The following TAOK3 variants were observed in gnomAD, a reference collection of about 807,000 sequenced individuals.
TAOK3 encodes the protein serine/threonine-protein kinase TAO3.
Under a neutral mutation model 120.4 loss-of-function variants are expected in TAOK3, and 40 were observed. That is an observed-to-expected ratio of 0.33 (90% CI 0.26 to 0.43). The LOEUF is 0.43. TAOK3 is among the 20% of genes least tolerant of loss of function. The pLI is 1.00. For synonymous variants in TAOK3, 355 were observed against 387.5 expected (o/e 0.92, Z 0.99); for missense variants, 821 against 1,112.1 (o/e 0.74, Z 3.72).
rs546049418 is a variant in TAOK3 at position 118,299,350 on chromosome 12, A to G, written c.-193-32591T>C. On this transcript the variant is annotated intron_variant, in intron 1 of 20. Coordinates refer to ENST00000392533, the MANE Select transcript of TAOK3 (RefSeq NM_016281.4). ...CCTTTTGCCATTTATAGCTATCTTGAGTTCAAATATAGTACTTTAAAAAAA... is the reference window on the plus strand; with the variant it reads ...CCTTTTGCCATTTATAGCTATCTTGGGTTCAAATATAGTACTTTAAAAAAA... Among the ~76,000 whole-genome samples, 13 of 152,248 alleles carry G rather than the reference A, an allele frequency of 8.5e-5. No homozygotes were observed. The South Asian group carries it at 2.5e-3, about 29-fold the overall frequency.
chr12:118,366,440 C>T (rs540405207), intron 1 of TAOK3, among the ~76,000 whole-genome samples: 6 of 152,116 alleles, frequency 3.9e-5, no homozygotes, highest in Non-Finnish European at 8.8e-5. Context: ...TTGTCATAGC[C>T]TTGATTGCCA....
intron 13 of TAOK3, among the ~76,000 whole-genome samples, chr12:118,190,886 G>A (rs1169802482): frequency 6.6e-6 from 1 of 152,210 alleles, no homozygotes; most frequent in Non-Finnish European, 1.5e-5. Context: ...CAGTCATTAA[G>A]TGGCTATAAC....
At chr12:118,255,715 A>G (rs1476443850) in intron 2 of TAOK3, 60 bp from the exon 3 acceptor site, 2 of 720,488 alleles carry the variant, frequency 2.8e-6, no homozygotes, top group Non-Finnish European at 2.2e-6. Flanking sequence ...TGGTGGCAAT[A>G]CAAATACATA....
chr12:118,310,159 C>A (rs2043210493), intron 1 of TAOK3, among the ~76,000 whole-genome samples: 1 of 152,084 alleles, frequency 6.6e-6, no homozygotes, highest in African/African-American at 2.4e-5. Flanking sequence ...TGGCGTGCAC[C>A]TGTGGTCCCT....
intron 16 of TAOK3, 66 bp downstream of exon 16, chr12:118,177,135 T>C (rs1758033489): frequency 6.7e-7 from 1 of 1,498,516 alleles, no homozygotes; most frequent in Admixed American, 1.8e-5. Flanking sequence ...CAATGCAAGA[T>C]GAGTGAATGT....
chr12:118,168,961 C>T lies in TAOK3; in HGVS notation c.1899+3496G>A, dbSNP rs963868911. On this transcript the variant is annotated intron_variant, in intron 17 of 20. Transcript: ENST00000392533. ...GTACTGAATCAGCTTGCTTGCTTTC[C>T]TTCCTTCCTTCCTTCCTTCCTTCCT... 4.6e-4 allele frequency among the ~76,000 whole-genome samples: 5 copies of T among 10,890 alleles called. No individual in the cohort carries two copies. In the East Asian group the frequency reaches 0.062, roughly 136 times the overall value. 7.1% of individuals were successfully genotyped at this position (10,890 alleles called of 152,430 possible).
intron 1 of TAOK3, among the ~76,000 whole-genome samples, chr12:118,324,734 CTTTTTTTTTTT>C (rs35462737): frequency 2.7e-4 from 19 of 69,584 alleles, no homozygotes; most frequent in South Asian, 5.1e-4. Context: ...GAATTTCATT[CTTTTTTTTTTT>C]TTTTTTTTTT....
chr12:118,199,230 T>C lies in TAOK3; in HGVS notation c.1015A>G (p.Arg339Gly). The change falls in exon 13 of 21, where the codon AGG becomes GGG. Residue 339 changes from arginine to glycine, a missense_variant. Physicochemically the swap from Arg to Gly is moderately radical, Grantham distance 125. This residue lies in a region of TAOK3 where 467 missense variants were observed against 540.0 expected (regional missense o/e 0.86). Transcript: ENST00000392533. ...TTGCTGCCCAGGCTGTCCATTTCCC[T>C]GTTCAGGCTGGTTCCATGTTCACTG... ...EDSEHGTSLNREMDSLGSNHS... is the reference protein window; with the variant it reads ...EDSEHGTSLNGEMDSLGSNHS... 1 of 1,614,108 alleles carries C rather than the reference T, an allele frequency of 6.2e-7. No homozygotes were observed. Among genetic ancestry groups the C allele is most frequent in the South Asian group, 1.1e-5 (1 of 91,076 alleles).
intron 1 of TAOK3, among the ~76,000 whole-genome samples, chr12:118,327,708 T>C (rs2043989147): frequency 6.6e-6 from 1 of 152,202 alleles, no homozygotes; most frequent in Non-Finnish European, 1.5e-5. Context: ...ATTATTGGCA[T>C]GTAGAATTTC....
intron 1 of TAOK3, among the ~76,000 whole-genome samples, chr12:118,346,246 T>C (rs1287893829): frequency 1.3e-5 from 2 of 152,170 alleles, no homozygotes; most frequent in African/African-American, 2.4e-5. Flanking sequence ...TTAAGGGTAA[T>C]GAAGGAGGCT....
intron 1 of TAOK3, among the ~76,000 whole-genome samples, chr12:118,332,585 T>C (rs920640102): frequency 6.6e-6 from 1 of 152,206 alleles, no homozygotes; most frequent in African/African-American, 2.4e-5. Context: ...GATTAAATCT[T>C]TATTTTGCTG....
chr12:118,240,833 A>T (rs934865641), intron 5 of TAOK3, among the ~76,000 whole-genome samples: 1 of 152,052 alleles, frequency 6.6e-6, no homozygotes, highest in African/African-American at 2.4e-5. Flanking sequence ...GACATAACCA[A>T]TATCAACATA....
intron 1 of TAOK3, among the ~76,000 whole-genome samples, chr12:118,300,691 G>A (rs2042848430): frequency 6.6e-6 from 1 of 151,980 alleles, no homozygotes; most frequent in East Asian, 1.9e-4. Context: ...ACAGTTGTAT[G>A]TGTCTATCAC....
chr12:118,163,448 T>TTTG (rs1555209281), intron 17 of TAOK3, among the ~76,000 whole-genome samples: 40,341 of 122,434 alleles, frequency 0.33, 6,360 homozygotes, highest in Non-Finnish European at 0.39. Flanking sequence ...ACTTTTTTTT[T>TTTG]GGGGGGGGTG....
chr12:118,232,263 C>T (rs935748155), intron 9 of TAOK3, among the ~76,000 whole-genome samples: 2 of 152,132 alleles, frequency 1.3e-5, no homozygotes, highest in African/African-American at 4.8e-5. Flanking sequence ...AAATATACAA[C>T]CAAAGGAGAG....
At chr12:118,246,034 C>A (rs1316784495) in intron 3 of TAOK3, 3 of 734,012 alleles carry the variant, frequency 4.1e-6, no homozygotes, top group Non-Finnish European at 4.3e-6. Flanking sequence ...TGTGAGTATA[C>A]GTGTAGAAAA....
intron 17 of TAOK3, among the ~76,000 whole-genome samples, 184 bp from the exon 18 acceptor site, chr12:118,162,211 C>T (rs895509310): frequency 6.6e-6 from 1 of 152,140 alleles, no homozygotes; most frequent in East Asian, 1.9e-4. Context: ...AGGTTCTGTT[C>T]CTGGGTCCAC....
chr12:118,276,986 C>G (rs1010290090), intron 1 of TAOK3, among the ~76,000 whole-genome samples: 1 of 152,176 alleles, frequency 6.6e-6, no homozygotes. Flanking sequence ...GCCTGGGCAA[C>G]AGAGTGAGAG....
chr12:118,334,137 CAAAAAAAAA>C lies in TAOK3; in HGVS notation c.-194+38502_-194+38510del, dbSNP rs57605394. ...GCAAAAAGAGCAAAACTCCCATCTC[CAAAAAAAAA>C]AAAAAAAAAAGAAAAAAGAAATAAT... On this transcript the variant is annotated intron_variant, in intron 1 of 20. Transcript: ENST00000392533. Among the ~76,000 whole-genome samples, 4 of 77,658 alleles carry C rather than the reference CAAAAAAAAA, an allele frequency of 5.2e-5. No individual in the cohort carries two copies. In the Admixed American group the frequency reaches 6.2e-4, roughly 12 times the overall value. 50.9% of individuals were successfully genotyped at this position (77,658 alleles called of 152,430 possible).
Sources: allele counts gnomAD v4.1 joint callset (sites outside exome capture counted in the v4.1 genomes callset), GRCh38; gene constraint gnomAD v4.1.1; regional missense constraint gnomAD v4.1.1; transcripts MANE v1.5; gene names NCBI Gene and HGNC (gene_info 2026-07-23, HGNC 2026-07-21).